Variants in FGGY observed in about 807,000 individuals in gnomAD.
The protein encoded by FGGY is FGGY carbohydrate kinase domain containing.
FGGY carries 72 observed loss-of-function variants against 71.3 expected under a neutral mutation model. That is an observed-to-expected ratio of 1.01 (90% CI 0.84 to 1.23). The LOEUF (loss-of-function observed/expected upper bound fraction) is 1.23, where lower values mean the gene tolerates loss of function less well. FGGY is among the 50% of genes most tolerant of loss of function. The probability of loss-of-function intolerance (pLI) is 0.00; values close to 1 mark genes in which losing one functional copy is unlikely to be tolerated. For synonymous variants in FGGY, 251 were observed against 250.3 expected (o/e 1.00, Z -0.02); for missense variants, 668 against 682.3 (o/e 0.98, Z 0.23).
At chr1:59,389,760 T>TA (rs368279025) in intron 5 of FGGY, among the ~76,000 whole-genome samples, 1 of 152,168 alleles carries the variant, frequency 6.6e-6, no homozygotes, top group African/African-American at 2.4e-5. Context: ...CCCTCTCCTT[T>TA]AAAAAAATTA....
In FGGY at chr1:59,378,897, A is replaced by G. The variant is rs1030899893; in HGVS notation, c.554+60A>G. 2.8e-5 allele frequency: 39 copies of G among 1,396,162 alleles called. No individual in the cohort carries two copies. In the Admixed American group the frequency reaches 2.9e-4, roughly 10 times the overall value. 86.5% of individuals were successfully genotyped at this position (1,396,162 alleles called of 1,614,324 possible). A position where few individuals can be genotyped will look rare whatever the true frequency, so the allele number is the denominator to read the frequency against. On this transcript the variant is annotated intron_variant, in intron 5 of 15. Transcript: ENST00000303721. ...CTTCCATTCTTGGATGTCTGTCTAT[A>G]TATTGCTTTCTTAACTCTCTTTGAC...
intron 14 of FGGY, among the ~76,000 whole-genome samples, chr1:59,737,196 G>A (rs2098113582): frequency 6.6e-6 from 1 of 152,282 alleles, no homozygotes; most frequent in Non-Finnish European, 1.5e-5. Context: ...TGTCCAGGCA[G>A]AAGTTTGCTG....
At chr1:59,495,034 T>G (rs1045899162) in intron 6 of FGGY, among the ~76,000 whole-genome samples, 3 of 152,208 alleles carry the variant, frequency 2.0e-5, no homozygotes, top group African/African-American at 7.2e-5. Context: ...GACTTTTTAA[T>G]GATAGCCATT....
At chr1:59,395,149 C>A (rs1173298105) in intron 5 of FGGY, among the ~76,000 whole-genome samples, 1 of 152,030 alleles carries the variant, frequency 6.6e-6, no homozygotes, top group African/African-American at 2.4e-5. Context: ...TCTTGACATA[C>A]ATTTTTCTTC....
At chr1:59,369,352 G>A (rs1414539497) in intron 4 of FGGY, among the ~76,000 whole-genome samples, 1 of 152,228 alleles carries the variant, frequency 6.6e-6, no homozygotes, top group Admixed American at 6.5e-5. Context: ...CGGCAGCGAG[G>A]CTGGGGGAGG....
intron 6 of FGGY, among the ~76,000 whole-genome samples, chr1:59,480,298 C>A (rs1468040798): frequency 2.0e-5 from 3 of 152,134 alleles, no homozygotes; most frequent in Non-Finnish European, 4.4e-5. Flanking sequence ...TGATCTCTGA[C>A]CTCAGTTGCC....
chr1:59,362,353 C>G (rs992482669), intron 4 of FGGY, among the ~76,000 whole-genome samples: 1 of 152,178 alleles, frequency 6.6e-6, no homozygotes, highest in Non-Finnish European at 1.5e-5. Flanking sequence ...CTTCTCTCCT[C>G]TGGGCTTCCC....
intron 8 of FGGY, among the ~76,000 whole-genome samples, chr1:59,591,541 C>CT (rs1423576413): frequency 6.6e-6 from 1 of 152,178 alleles, no homozygotes; most frequent in Non-Finnish European, 1.5e-5. Flanking sequence ...TCAAACTATA[C>CT]TACAAGGCTA....
At chr1:59,509,178 A>G (rs1164062953) in intron 6 of FGGY, among the ~76,000 whole-genome samples, 1 of 152,122 alleles carries the variant, frequency 6.6e-6, no homozygotes, top group East Asian at 1.9e-4. Flanking sequence ...ATGGTATCTC[A>G]GTCTCTACCA....
intron 7 of FGGY, among the ~76,000 whole-genome samples, chr1:59,546,599 G>A (rs1046472800): frequency 6.6e-6 from 1 of 151,744 alleles, no homozygotes; most frequent in Non-Finnish European, 1.5e-5. Context: ...GCGCGATCTC[G>A]GCTCACTGCA....
chr1:59,728,696 T>C (rs964930946), intron 14 of FGGY, among the ~76,000 whole-genome samples: 3 of 152,096 alleles, frequency 2.0e-5, no homozygotes, highest in African/African-American at 7.2e-5. Flanking sequence ...ATACTTTAAA[T>C]ATTTTACTCC....
intron 7 of FGGY, among the ~76,000 whole-genome samples, chr1:59,548,671 G>A (rs1190191060): frequency 6.6e-6 from 1 of 152,174 alleles, no homozygotes; most frequent in Non-Finnish European, 1.5e-5. Flanking sequence ...GCTATATGTT[G>A]CTACTTAAAT....
At chr1:59,350,712 A>G (rs1475709250) in intron 4 of FGGY, among the ~76,000 whole-genome samples, 1 of 152,126 alleles carries the variant, frequency 6.6e-6, no homozygotes, top group Non-Finnish European at 1.5e-5. Flanking sequence ...TTAGGGTGAG[A>G]AAATGTGTGT....
intron 7 of FGGY, among the ~76,000 whole-genome samples, chr1:59,541,819 C>T (rs575612054): frequency 1.3e-5 from 2 of 152,120 alleles, no homozygotes; most frequent in Non-Finnish European, 2.9e-5. Flanking sequence ...TTTCTGGAGC[C>T]AGACTACCTA....
At chr1:59,680,140 C>G (rs2097481646) in intron 14 of FGGY, among the ~76,000 whole-genome samples, 1 of 152,072 alleles carries the variant, frequency 6.6e-6, no homozygotes, top group East Asian at 1.9e-4. Flanking sequence ...CTTTCATCCC[C>G]AGGCCTCTTA....
At chr1:59,737,166 G>A (rs904275930) in intron 14 of FGGY, among the ~76,000 whole-genome samples, 4 of 152,266 alleles carry the variant, frequency 2.6e-5, no homozygotes, top group Non-Finnish European at 4.4e-5. Flanking sequence ...GATTTCAGAG[G>A]ATGTATGGAA....
intron 6 of FGGY, among the ~76,000 whole-genome samples, chr1:59,473,064 C>T (rs938639282): frequency 6.6e-6 from 1 of 152,120 alleles, no homozygotes. Context: ...GTAGGCTGCC[C>T]GAGCCAGCAG....
At chr1:59,443,326 G>T (rs1313155389) in intron 5 of FGGY, among the ~76,000 whole-genome samples, 3 of 152,096 alleles carry the variant, frequency 2.0e-5, no homozygotes, top group Admixed American at 6.6e-5. Context: ...TAGGCCAATT[G>T]GCAGACACTA....
At chr1:59,446,619 C>A (rs2071308663) in intron 5 of FGGY, among the ~76,000 whole-genome samples, 1 of 152,132 alleles carries the variant, frequency 6.6e-6, no homozygotes, top group Non-Finnish European at 1.5e-5. Flanking sequence ...TCCCAATGAG[C>A]TGTATCTTCA....
Sources: allele counts gnomAD v4.1 joint callset (sites outside exome capture counted in the v4.1 genomes callset), GRCh38; gene constraint gnomAD v4.1.1; transcripts MANE v1.5; gene names NCBI Gene and HGNC (gene_info 2026-07-23, HGNC 2026-07-21).